The following IL12RB2 variants were observed in gnomAD, a reference collection of about 807,000 sequenced individuals.
IL12RB2 encodes the protein interleukin 12 receptor subunit beta 2.
In IL12RB2, 82 loss-of-function variants were observed where a neutral mutation model predicts 89.4. The observed-to-expected ratio is 0.92, with a 90% CI of 0.77 to 1.10. IL12RB2 has a LOEUF of 1.10. Among genes scored for constraint, IL12RB2 ranks in the 50% least tolerant of loss-of-function variants. The pLI is 0.00. For synonymous variants in IL12RB2, 368 were observed against 370.1 expected (o/e 0.99, Z 0.07); for missense variants, 963 against 1,031.9 (o/e 0.93, Z 0.92).
Position 67,310,750 on chromosome 1 carries a change from C to T in IL12RB2, c.-125+2783C>T, listed in dbSNP as rs919066603. 2.6e-5 allele frequency among the ~76,000 whole-genome samples: 4 copies of T among 152,224 alleles called. No individual in the cohort carries two copies. The East Asian group carries it at 5.8e-4, about 22-fold the overall frequency. ...GTTTGTTTGTTTTTTGTTTTTGAGA[C>T]GGAGTCTTGCTGTCGCCAGGCTGGA... is the stretch of plus-strand genomic sequence containing the variant. On this transcript the variant is annotated intron_variant, in intron 1 of 16. Coordinates refer to ENST00000674203, the MANE Select transcript of IL12RB2 (RefSeq NM_001374259.2).
At chr1:67,393,603 A>G (rs145363185) in intron 16 of IL12RB2, among the ~76,000 whole-genome samples, 1,780 of 152,346 alleles carry the variant, frequency 0.012, 14 homozygotes, top group Non-Finnish European at 0.018. Flanking sequence ...GTCTCCCCGA[A>G]GTGAAACGCA....
chr1:67,389,259 A>G (rs2029859), intron 15 of IL12RB2, among the ~76,000 whole-genome samples: 70,873 of 151,690 alleles, frequency 0.47, 18,731 homozygotes, highest in Non-Finnish European at 0.58. Flanking sequence ...ACTTCTGCTC[A>G]TATTTCTTTG....
chr1:67,362,587 A>AAAAAAG (rs1557447413), intron 10 of IL12RB2, among the ~76,000 whole-genome samples: 16 of 149,074 alleles, frequency 1.1e-4, no homozygotes, highest in Admixed American at 2.0e-4. Flanking sequence ...AAAAAAAAAA[A>AAAAAAG]AAAAAGAAAA....
chr1:67,395,584 A>T lies in IL12RB2; in HGVS notation c.2084A>T (p.Asp695Val), dbSNP rs1460368427. ...TQLPLDRLLI[D>V]WPTPEDPEPL... ...CTGCCCTTGGACAGGCTCCTGATAG[A>T]CTGGCCCACGCCTGAAGATCCTGAA... Residue 695 changes from aspartate (D) to valine (V), a missense_variant, in exon 17 of 17, where the codon GAC (aspartate) becomes GTC (valine). Physicochemically the swap from Asp to Val is radical, Grantham distance 152 (BLOSUM62 -3). Transcript: ENST00000674203. The T allele has an allele frequency of 9.3e-6, 15 of 1,614,082 alleles. No homozygotes were observed. The highest frequency in any genetic ancestry group is 1.3e-5 in the Non-Finnish European group (15 of 1,180,050).
At position 67,329,651 on chromosome 1, in the gene IL12RB2, C is replaced by T. The variant is rs779933372; in HGVS notation, c.729C>T (p.Thr243=). 6.4e-7 allele frequency: 1 copy of T among 1,574,640 alleles called. No individual in the cohort carries two copies. The highest frequency in any genetic ancestry group is 8.7e-7 in the Non-Finnish European group (1 of 1,143,986). ...KFQKASVSRC[T]LYWRDEGLVL... ...AAAAGGCTTCTGTGAGCAGATGTAC[C>T]CTTTATTGGAGAGATGAGGGACTGG... The change falls in exon 7 of 17, where the codon ACC becomes ACT. Residue 243 remains threonine (T), a synonymous_variant. Coordinates refer to ENST00000674203, the MANE Select transcript of IL12RB2 (RefSeq NM_001374259.2).
intron 9 of IL12RB2, among the ~76,000 whole-genome samples, chr1:67,342,040 T>G (rs1326850360): frequency 6.6e-6 from 1 of 152,178 alleles, no homozygotes; most frequent in African/African-American, 2.4e-5. Context: ...CTCATGCCAC[T>G]CTCAGGCAGG....
rs1666381438 is a variant in IL12RB2, at chr1:67,396,543, T to C, written c.*454T>C. 4.2e-6 allele frequency: 1 copy of C among 236,336 alleles called. No homozygotes were observed. The highest frequency in any genetic ancestry group is 6.6e-5 in the South Asian group (1 of 15,240). 14.6% of individuals were successfully genotyped at this position (236,336 alleles called of 1,614,324 possible). On this transcript the variant is annotated 3_prime_UTR_variant, in exon 17 of 17. Coordinates refer to ENST00000674203, the MANE Select transcript of IL12RB2 (RefSeq NM_001374259.2). Reference sequence around the variant, plus strand: ...ACTTCCTGAGATGATGGAAATGTTCTACCTCTGCACTCACTGTCCAGTACA... The same window carrying C: ...ACTTCCTGAGATGATGGAAATGTTCCACCTCTGCACTCACTGTCCAGTACA...
intron 10 of IL12RB2, among the ~76,000 whole-genome samples, chr1:67,363,208 CTTAT>C (rs1461423867): frequency 8.2e-6 from 1 of 122,134 alleles, no homozygotes; most frequent in East Asian, 2.6e-4. Context: ...GCCAATTATT[CTTAT>C]TTTTTTTTTT....
At chr1:67,359,632 G>T (rs1390287727) in intron 10 of IL12RB2, among the ~76,000 whole-genome samples, 2 of 152,136 alleles carry the variant, frequency 1.3e-5, no homozygotes, top group East Asian at 1.9e-4. Flanking sequence ...TGGGACAGGA[G>T]AATCACTTGA....
chr1:67,338,884 C>T (rs947840360), intron 9 of IL12RB2, 181 bp downstream of exon 9: 1 of 624,086 alleles, frequency 1.6e-6, no homozygotes, highest in Non-Finnish European at 2.9e-6. Context: ...TGAGTTCCTT[C>T]TTCCACACAG....
At chr1:67,368,936 C>T (rs1358919946) in intron 11 of IL12RB2, among the ~76,000 whole-genome samples, 35 of 152,244 alleles carry the variant, frequency 2.3e-4, no homozygotes, top group East Asian at 1.9e-4. Flanking sequence ...ATTATTGTTA[C>T]GTGAGACAGA....
intron 8 of IL12RB2, 137 bp from the exon 9 acceptor site, chr1:67,338,487 G>GA (rs780813316): frequency 3.5e-4 from 216 of 619,880 alleles, no homozygotes; most frequent in Non-Finnish European, 5.5e-4. Flanking sequence ...ACAAGAAAAA[G>GA]AAAAAATACT....
At chr1:67,369,986 C>T (rs576109268) in intron 11 of IL12RB2, among the ~76,000 whole-genome samples, 109 of 146,432 alleles carry the variant, frequency 7.4e-4, no homozygotes, top group African/African-American at 2.5e-3. Context: ...CATGCCATTG[C>T]ACTCCAGCCT....
intron 13 of IL12RB2, among the ~76,000 whole-genome samples, chr1:67,378,674 AC>A (rs1167049044): frequency 6.6e-6 from 1 of 151,456 alleles, no homozygotes; most frequent in Non-Finnish European, 1.5e-5. Flanking sequence ...ACATGGTGAA[AC>A]CCCATCTCTA....
chr1:67,330,040 T>C (rs943347147), intron 7 of IL12RB2, among the ~76,000 whole-genome samples: 2 of 152,176 alleles, frequency 1.3e-5, no homozygotes, highest in African/African-American at 4.8e-5. Flanking sequence ...TTAAAAAAGA[T>C]ATTGAAAAGA....
At chr1:67,352,791 T>C (rs777386755) in intron 10 of IL12RB2, among the ~76,000 whole-genome samples, 3 of 152,176 alleles carry the variant, frequency 2.0e-5, no homozygotes, top group Admixed American at 6.5e-5. Context: ...ATTAATGAGA[T>C]ACAAATTTTG....
At chr1:67,350,666 C>T (rs1261575908) in intron 9 of IL12RB2, among the ~76,000 whole-genome samples, 2 of 152,112 alleles carry the variant, frequency 1.3e-5, no homozygotes, top group East Asian at 3.9e-4. Flanking sequence ...CTTTTAAAAA[C>T]GTTAACTGAT....
chr1:67,321,902 T>C lies in IL12RB2; in HGVS notation c.364+13T>C. The stretch of plus-strand genomic sequence containing the variant: ...ATCTTCGTTGGTGGTGAGCATTCCA[T>C]TTTGAATTTTTAAAACTTGGTGATC... On this transcript the variant is annotated intron_variant, in intron 4 of 16. Coordinates refer to ENST00000674203, the MANE Select transcript of IL12RB2 (RefSeq NM_001374259.2). The C allele has an allele frequency of 6.2e-7, 1 of 1,610,386 alleles. No homozygotes were observed. The highest frequency in any genetic ancestry group is 8.5e-7 in the Non-Finnish European group (1 of 1,176,586).
At chr1:67,374,476 CTTTT>C (rs34836285) in intron 13 of IL12RB2, among the ~76,000 whole-genome samples, 1 of 136,560 alleles carries the variant, frequency 7.3e-6, no homozygotes. Context: ...TCTGTTTATT[CTTTT>C]TTTTTTTTTT....
Sources: allele counts gnomAD v4.1 joint callset (sites outside exome capture counted in the v4.1 genomes callset), GRCh38; gene constraint gnomAD v4.1.1; transcripts MANE v1.5; gene names NCBI Gene and HGNC (gene_info 2026-07-23, HGNC 2026-07-21).